Variants in TNRC6B observed in about 807,000 individuals in gnomAD.
TNRC6B encodes trinucleotide repeat-containing gene 6B protein.
TNRC6B carries 52 observed loss-of-function variants against 203.6 expected under a neutral mutation model. The ratio of observed to expected loss-of-function variants is 0.26; its 90% confidence interval spans 0.20 to 0.32. The LOEUF is 0.32. TNRC6B is among the 10% of genes least tolerant of loss of function. The pLI, the probability that TNRC6B is intolerant of heterozygous loss-of-function variation, is 1.00. For synonymous variants in TNRC6B, 838 were observed against 845.7 expected, an observed-to-expected ratio of 0.99 and a Z score of 0.16; for missense variants, 1,923 against 2,286.2, an observed-to-expected ratio of 0.84 and a Z score of 3.24.
At chr22:40,304,898 G>C (rs1244257462) in intron 15 of TNRC6B, among the ~76,000 whole-genome samples, 1 of 152,150 alleles carries the variant, frequency 6.6e-6, no homozygotes, top group Admixed American at 6.5e-5. Flanking sequence ...GTGTACATGT[G>C]GACACGGACT....
At chr22:40,260,932 A>G (rs577524274) in intron 3 of TNRC6B, among the ~76,000 whole-genome samples, 4 of 152,334 alleles carry the variant, frequency 2.6e-5, no homozygotes, top group Admixed American at 6.5e-5. Flanking sequence ...AGAGTAGAGT[A>G]AAAGGAGAAG....
chr22:40,167,247 G>T (rs1266608044), intron 4 of TNRC6B, among the ~76,000 whole-genome samples: 5 of 152,090 alleles, frequency 3.3e-5, no homozygotes, highest in Non-Finnish European at 5.9e-5. Context: ...GTTTCCTTAG[G>T]GGGATCTCCA....
chr22:40,305,235 C>T (rs1428352937), intron 15 of TNRC6B, among the ~76,000 whole-genome samples: 4 of 152,178 alleles, frequency 2.6e-5, no homozygotes, highest in African/African-American at 9.6e-5. Context: ...GCATGTCTTA[C>T]CTCTACTTGT....
At chr22:40,322,573 A>G (rs1052895172) in intron 22 of TNRC6B, among the ~76,000 whole-genome samples, 3 of 152,182 alleles carry the variant, frequency 2.0e-5, no homozygotes, top group African/African-American at 7.2e-5. Flanking sequence ...GAAATATCAG[A>G]ATATAGTATT....
At chr22:40,318,417 A>G (rs1042048793) in intron 21 of TNRC6B, among the ~76,000 whole-genome samples, 2 of 151,962 alleles carry the variant, frequency 1.3e-5, no homozygotes, top group Non-Finnish European at 2.9e-5. Flanking sequence ...TGTGGTGGTG[A>G]GCACCTGTAG....
At chr22:40,181,900 C>G (rs537490364) in intron 1 of TNRC6B, among the ~76,000 whole-genome samples, 1 of 148,076 alleles carries the variant, frequency 6.8e-6, no homozygotes, top group African/African-American at 2.5e-5. Flanking sequence ...TAGCCAAGAT[C>G]GTGCCACTGC....
chr22:40,163,414 A>AT (rs2068887689), intron 4 of TNRC6B, among the ~76,000 whole-genome samples: 2 of 145,606 alleles, frequency 1.4e-5, no homozygotes, highest in African/African-American at 5.1e-5. Context: ...AAAAAAAAAA[A>AT]AAAAAAGTAA....
At chr22:40,222,908 G>T (rs1488288738) in intron 1 of TNRC6B, among the ~76,000 whole-genome samples, 1 of 151,162 alleles carries the variant, frequency 6.6e-6, no homozygotes, top group Non-Finnish European at 1.5e-5. Flanking sequence ...ACCACTTCCA[G>T]CTAATATTTA....
At chr22:40,058,731 A>G (rs1265103722) in intron 1 of TNRC6B, among the ~76,000 whole-genome samples, 1 of 152,098 alleles carries the variant, frequency 6.6e-6, no homozygotes, top group African/African-American at 2.4e-5. Flanking sequence ...GTCGCTGGCA[A>G]CCCACCTGCC....
At chr22:40,213,927 A>T (rs1364464530) in intron 1 of TNRC6B, among the ~76,000 whole-genome samples, 1 of 152,214 alleles carries the variant, frequency 6.6e-6, no homozygotes, top group Non-Finnish European at 1.5e-5. Flanking sequence ...TCCTTAAAAA[A>T]ATAATGTAGA....
chr22:40,228,198 C>G (rs1218384297), intron 1 of TNRC6B, among the ~76,000 whole-genome samples: 1 of 151,970 alleles, frequency 6.6e-6, no homozygotes, highest in African/African-American at 2.4e-5. Flanking sequence ...GAGGCCGAGG[C>G]AGGCGGATCG....
At chr22:40,149,675 C>T (rs1357875898) in intron 3 of TNRC6B, among the ~76,000 whole-genome samples, 1 of 122,250 alleles carries the variant, frequency 8.2e-6, no homozygotes, top group African/African-American at 3.8e-5. Flanking sequence ...TCTCCCTCCC[C>T]CGCCAAAAAA....
chr22:40,330,742 G>T lies in TNRC6B; in HGVS notation c.*7501G>T, dbSNP rs182343464. ...ATGTGCCTTTGTGAGTACAGAGACC[G>T]TCCGTTCTAGGAAGAAGCTATCCGT... is the stretch of plus-strand genomic sequence containing the variant. On this transcript the variant is annotated 3_prime_UTR_variant, in exon 23 of 23. Coordinates refer to ENST00000454349, the MANE Select transcript of TNRC6B (RefSeq NM_001162501.2). 1 of 152,574 alleles carries T rather than the reference G, an allele frequency of 6.6e-6. No homozygotes were observed. Among genetic ancestry groups the T allele is most frequent in the Non-Finnish European group, 1.5e-5 (1 of 68,024 alleles). The allele number at this position is 152,574 out of a possible 1,614,324, so 9.5% of individuals were successfully genotyped here.
In TNRC6B at chr22:40,311,843, A is replaced by G. The variant is rs561717101; in HGVS notation, c.4436-662A>G. ...CAGGCGTGAGCCACCACGCCCGGCC[A>G]AAGTAGAACTGTATAATGCAGATCG... On this transcript the variant is annotated intron_variant, in intron 17 of 22. Coordinates refer to ENST00000454349, the MANE Select transcript of TNRC6B (RefSeq NM_001162501.2). Among the ~76,000 whole-genome samples the G allele has an allele frequency of 1.5e-3, 227 of 152,334 alleles. 1 individual carries two copies. Among genetic ancestry groups the G allele is most frequent in the Middle Eastern group, 0.01 (3 of 294 alleles).
At chr22:40,269,183 G>A (rs1030579157) in intron 5 of TNRC6B, among the ~76,000 whole-genome samples, 4 of 132,416 alleles carry the variant, frequency 3.0e-5, no homozygotes, top group Non-Finnish European at 6.2e-5. Context: ...TCCCAGGCTG[G>A]AGTGCAGTGG....
chr22:40,295,034 G>A (rs1265121743), intron 12 of TNRC6B, among the ~76,000 whole-genome samples: 1 of 152,154 alleles, frequency 6.6e-6, no homozygotes, highest in Non-Finnish European at 1.5e-5. Flanking sequence ...AGCAGCTGGG[G>A]GGAACTATTA....
At chr22:40,101,061 C>T (rs1452157100) in intron 1 of TNRC6B, among the ~76,000 whole-genome samples, 2 of 151,304 alleles carry the variant, frequency 1.3e-5, no homozygotes, top group Non-Finnish European at 2.9e-5. Flanking sequence ...GGCATGATCT[C>T]GGCTCACCAC....
intron 3 of TNRC6B, among the ~76,000 whole-genome samples, chr22:40,139,222 C>T (rs1191975614): frequency 6.6e-6 from 1 of 151,952 alleles, no homozygotes; most frequent in African/African-American, 2.4e-5. Flanking sequence ...TGTGAGACTT[C>T]TTTCAGTTAG....
At chr22:40,294,274 G>GTCAA (rs746775031) in intron 12 of TNRC6B, among the ~76,000 whole-genome samples, 2 of 151,844 alleles carry the variant, frequency 1.3e-5, no homozygotes, top group African/African-American at 2.4e-5. Context: ...CAGTCAATCA[G>GTCAA]TCAATCAATC....
Sources: allele counts gnomAD v4.1 joint callset (sites outside exome capture counted in the v4.1 genomes callset), GRCh38; gene constraint gnomAD v4.1.1; transcripts MANE v1.5; gene names NCBI Gene and HGNC (gene_info 2026-07-23, HGNC 2026-07-21).